PTPRO: variants seen among roughly 807,000 people sequenced by gnomAD.
PTPRO encodes the protein protein tyrosine phosphatase receptor type O.
A neutral mutation model predicts 145.2 loss-of-function variants in PTPRO; 62 were observed. The observed-to-expected ratio is 0.43, with a 90% confidence interval of 0.35 to 0.53. PTPRO has a LOEUF of 0.53. PTPRO is among the 20% of genes least tolerant of loss of function. The probability of loss-of-function intolerance (pLI) is 0.01; values close to 1 mark genes in which losing one functional copy is unlikely to be tolerated. For synonymous variants in PTPRO, 565 were observed against 514.7 expected (o/e 1.10, Z -1.32); for missense variants, 1,345 against 1,482.7 (o/e 0.91, Z 1.53).
chr12:15,536,001 T>C (rs1447257352), intron 12 of PTPRO, among the ~76,000 whole-genome samples: 3 of 152,204 alleles, frequency 2.0e-5, no homozygotes, highest in Non-Finnish European at 4.4e-5. Context: ...ATCTGTAGGC[T>C]GCCAGTCAGC....
At chr12:15,433,565 T>A (rs991706685) in intron 1 of PTPRO, among the ~76,000 whole-genome samples, 34 of 152,210 alleles carry the variant, frequency 2.2e-4, no homozygotes, top group African/African-American at 8.0e-4. Flanking sequence ...AGTTTCAATC[T>A]TCTGCATATG....
At chr12:15,410,572 C>T (rs527977931) in intron 1 of PTPRO, 1 of 152,340 alleles carries the variant, frequency 6.6e-6, no homozygotes, top group South Asian at 2.1e-4. Flanking sequence ...GACCTTCCTG[C>T]ATGTCCAGAT....
chr12:15,422,616 GA>G (rs1940177810), intron 1 of PTPRO, among the ~76,000 whole-genome samples: 2 of 152,138 alleles, frequency 1.3e-5, no homozygotes. Flanking sequence ...TTAGGGTTTA[GA>G]TAGATAGGGG....
chr12:15,476,761 C>T (rs1008963947), intron 1 of PTPRO, among the ~76,000 whole-genome samples: 2 of 151,570 alleles, frequency 1.3e-5, no homozygotes, highest in Non-Finnish European at 2.9e-5. Flanking sequence ...TGCTCATCAT[C>T]ACTGGCCATC....
Position 15,500,938 on chromosome 12 carries a change from A to G in PTPRO, c.662-682A>G, listed in dbSNP as rs1012288689. 4.6e-5 allele frequency among the ~76,000 whole-genome samples: 7 copies of G among 152,338 alleles called. No homozygotes were observed. In the East Asian group the frequency reaches 1.3e-3, roughly 29 times the overall value. ...TACTGTCTCAAAATAAAAATTAACAAAAAAGTTCATGGAAGAGGTGATAAT... is the reference window on the plus strand; with the variant it reads ...TACTGTCTCAAAATAAAAATTAACAGAAAAGTTCATGGAAGAGGTGATAAT... On this transcript the variant is annotated intron_variant, in intron 4 of 26. Coordinates refer to ENST00000281171, the MANE Select transcript of PTPRO (RefSeq NM_030667.3).
intron 1 of PTPRO, among the ~76,000 whole-genome samples, chr12:15,380,147 T>A (rs1221958070): frequency 6.6e-6 from 1 of 152,134 alleles, no homozygotes; most frequent in Non-Finnish European, 1.5e-5. Context: ...ATCCTGGAAT[T>A]TTCACTTAAA....
intron 1 of PTPRO, chr12:15,439,838 G>T: frequency 3.2e-6 from 2 of 619,250 alleles, no homozygotes; most frequent in African/African-American, 1.8e-5. Context: ...CAAGAACAAG[G>T]ATTTGAAGAT....
intron 1 of PTPRO, among the ~76,000 whole-genome samples, chr12:15,385,333 C>T (rs1003686943): frequency 1.3e-5 from 2 of 152,076 alleles, no homozygotes; most frequent in Non-Finnish European, 2.9e-5. Flanking sequence ...GATGCTTCCT[C>T]ACAACTTGAG....
rs992308859 is a variant in PTPRO at position 15,334,997 on chromosome 12, G to C, written c.75+12196G>C. Among the ~76,000 whole-genome samples, 4 of 152,044 alleles carry C rather than the reference G, an allele frequency of 2.6e-5. No homozygotes were observed. In the South Asian group the frequency reaches 8.3e-4, roughly 31 times the overall value. ...ACACATCATCCTGTCTCTGAGATAAGCCAGGAATTTCCAATTTTAGTCAAG... is the reference window on the plus strand; with the variant it reads ...ACACATCATCCTGTCTCTGAGATAACCCAGGAATTTCCAATTTTAGTCAAG... On this transcript the variant is annotated intron_variant, in intron 1 of 26. Transcript: ENST00000281171.
Position 15,583,490 on chromosome 12 carries a change from C to A in PTPRO, c.3255+1689C>A, listed in dbSNP as rs563079871. ...GCAAGACTCTATCTCCACACACACA[C>A]ACACACACAAAAAAAATCAACAAGA... is the stretch of plus-strand genomic sequence containing the variant. On this transcript the variant is annotated intron_variant, in intron 23 of 26. Coordinates refer to ENST00000281171, the MANE Select transcript of PTPRO (RefSeq NM_030667.3). Among the ~76,000 whole-genome samples the A allele has an allele frequency of 1.3e-4, 19 of 150,656 alleles. No homozygotes were observed. In the South Asian group the frequency reaches 4.0e-3, roughly 32 times the overall value.
At chr12:15,512,172 T>C (rs1942455144) in intron 7 of PTPRO, among the ~76,000 whole-genome samples, 1 of 151,792 alleles carries the variant, frequency 6.6e-6, no homozygotes, top group Admixed American at 6.6e-5. Context: ...TGGAGTGCAG[T>C]GGCGTAATCT....
chr12:15,558,485 A>G (rs1390120952), intron 16 of PTPRO, among the ~76,000 whole-genome samples: 1 of 152,212 alleles, frequency 6.6e-6, no homozygotes, highest in Non-Finnish European at 1.5e-5. Context: ...ATACCTGACA[A>G]TGATAGATGA....
chr12:15,460,487 A>T (rs1941276923), intron 1 of PTPRO, among the ~76,000 whole-genome samples: 1 of 152,172 alleles, frequency 6.6e-6, no homozygotes, highest in African/African-American at 2.4e-5. Flanking sequence ...CTTATTTTAA[A>T]ATAATAAATA....
chr12:15,442,568 C>T lies in PTPRO; in HGVS notation c.76-41406C>T, dbSNP rs553709519. ...AAGTCAAACTATCTCTCTTCATGGA[C>T]AATATGATTCTATACATTGACAACC... On this transcript the variant is annotated intron_variant, in intron 1 of 26. Coordinates refer to ENST00000281171, the MANE Select transcript of PTPRO (RefSeq NM_030667.3). 7.9e-5 allele frequency among the ~76,000 whole-genome samples: 12 copies of T among 152,200 alleles called. No individual in the cohort carries two copies. In the South Asian group the frequency reaches 1.5e-3, roughly 18 times the overall value.
intron 1 of PTPRO, among the ~76,000 whole-genome samples, chr12:15,406,611 G>A (rs1380796134): frequency 6.6e-6 from 1 of 152,118 alleles, no homozygotes; most frequent in East Asian, 1.9e-4. Flanking sequence ...AGTTGAACAG[G>A]CAATAATGCC....
At chr12:15,426,224 GCTGATATACAGAAAAA>G (rs1279092214) in intron 1 of PTPRO, among the ~76,000 whole-genome samples, 30 of 151,502 alleles carry the variant, frequency 2.0e-4, no homozygotes, top group Admixed American at 9.2e-4. Flanking sequence ...ATTGGATCCT[GCTGATATACAGAAAAA>G]CTATTAATGT....
Position 15,499,456 on chromosome 12 carries a change from A to G in PTPRO, c.523A>G (p.Lys175Glu), listed in dbSNP as rs1300546371. 6.2e-7 allele frequency: 1 copy of G among 1,613,424 alleles called. No individual in the cohort carries two copies. Among genetic ancestry groups the G allele is most frequent in the African/African-American group, 1.3e-5 (1 of 75,018 alleles). The change falls in exon 4 of 27, where the codon AAA becomes GAA. Residue 175 changes from lysine (K) to glutamate (E), a missense_variant. Lys to Glu is a moderately conservative substitution (Grantham distance 56, BLOSUM62 1). Transcript: ENST00000281171. ...TMLYKDFFKG[K>E]TVFNHWLPGM... ...TCTCTTCACAGATTTCTTTAAGGGAAAAACAGTATTTAATCACTGGCTGCC... is the reference window on the plus strand; with the variant it reads ...TCTCTTCACAGATTTCTTTAAGGGAGAAACAGTATTTAATCACTGGCTGCC...
At position 15,452,865 on chromosome 12, in the gene PTPRO, G is replaced by A. The variant is rs138010221; in HGVS notation, c.76-31109G>A. ...TTACAACCCAGGAAACATAATAGGTGCAACACTCTTTTCTGACTCTTTAAT... is the reference window on the plus strand; with the variant it reads ...TTACAACCCAGGAAACATAATAGGTACAACACTCTTTTCTGACTCTTTAAT... On this transcript the variant is annotated intron_variant, in intron 1 of 26. Transcript: ENST00000281171. Among the ~76,000 whole-genome samples, 648 of 152,158 alleles carry A rather than the reference G, an allele frequency of 4.3e-3. 4 individuals are homozygous for A. Among genetic ancestry groups the A allele is most frequent in the African/African-American group, 0.015 (623 of 41,524 alleles).
At chr12:15,429,282 G>C (rs562906184) in intron 1 of PTPRO, among the ~76,000 whole-genome samples, 1 of 152,204 alleles carries the variant, frequency 6.6e-6, no homozygotes, top group East Asian at 1.9e-4. Context: ...GGGAAAAGTG[G>C]GGATTCAAAA....
Sources: gnomAD v4.1 joint callset for allele counts (sites outside exome capture counted in the v4.1 genomes callset) on GRCh38, gnomAD v4.1.1 for gene constraint, MANE v1.5 for transcripts, NCBI Gene and HGNC (gene_info 2026-07-23, HGNC 2026-07-21) for gene names.